The following FBXL7 variants were observed in gnomAD, a reference collection of about 807,000 sequenced individuals.
FBXL7 encodes the protein F-box and leucine rich repeat protein 7, also known as F-box/LRR-repeat protein 7.
FBXL7 carries 12 observed loss-of-function variants against 38.3 expected under a neutral mutation model. The observed-to-expected ratio is 0.31, with a 90% CI of 0.20 to 0.51. FBXL7 has a LOEUF of 0.51. Ranked by LOEUF, FBXL7 falls within the 20% of genes least tolerant of loss-of-function variation. FBXL7 has a pLI of 0.98. For missense variants in FBXL7, 567 were observed against 676.4 expected (o/e 0.84, Z 1.79); for synonymous variants, 297 against 300.9 (o/e 0.99, Z 0.13).
chr5:15,770,278 C>T (rs1360437086), intron 2 of FBXL7, among the ~76,000 whole-genome samples: 2 of 152,164 alleles, frequency 1.3e-5, no homozygotes, highest in South Asian at 4.1e-4. Context: ...ATGGATCATC[C>T]TGGTCTCTGA....
At chr5:15,842,296 A>T (rs560568406) in intron 2 of FBXL7, among the ~76,000 whole-genome samples, 6 of 152,174 alleles carry the variant, frequency 3.9e-5, no homozygotes, top group Non-Finnish European at 7.3e-5. Flanking sequence ...GCCCTATTGG[A>T]CATCAGACTT....
intron 1 of FBXL7, among the ~76,000 whole-genome samples, chr5:15,507,628 A>G (rs1425803392): frequency 3.9e-5 from 6 of 152,240 alleles, no homozygotes; most frequent in Non-Finnish European, 8.8e-5. Context: ...AATATGTGAC[A>G]GCATCTGGAA....
chr5:15,821,920 C>T (rs1738180345), intron 2 of FBXL7, among the ~76,000 whole-genome samples: 1 of 152,122 alleles, frequency 6.6e-6, no homozygotes, highest in South Asian at 2.1e-4. Flanking sequence ...AACTGCCAAG[C>T]TCCCAGTTAA....
In FBXL7 at chr5:15,720,811, ATATTAT is replaced by A. The variant is rs147406915; in HGVS notation, c.127+104746_127+104751del. 4.4e-5 allele frequency among the ~76,000 whole-genome samples: 6 copies of A among 136,898 alleles called. 1 individual carries two copies. Among genetic ancestry groups the A allele is most frequent in the Non-Finnish European group, 8.2e-5 (5 of 60,966 alleles). 89.8% of individuals were successfully genotyped at this position (136,898 alleles called of 152,430 possible). On this transcript the variant is annotated intron_variant, in intron 2 of 3. Transcript: ENST00000504595. ...TAAATATTATCATTATTAGAGTATAATATTATTATTATATTGTATAAGAACATAGCA... is the reference window on the plus strand; with the variant it reads ...TAAATATTATCATTATTAGAGTATAATATTATATTGTATAAGAACATAGCA...
At chr5:15,632,109 A>G (rs985141095) in intron 2 of FBXL7, among the ~76,000 whole-genome samples, 7 of 152,128 alleles carry the variant, frequency 4.6e-5, no homozygotes, top group African/African-American at 1.7e-4. Flanking sequence ...AGCTAAATAC[A>G]GGTTTCTTTT....
chr5:15,622,174 G>A (rs1033792086), intron 2 of FBXL7, among the ~76,000 whole-genome samples: 1 of 152,040 alleles, frequency 6.6e-6, no homozygotes, highest in Non-Finnish European at 1.5e-5. Context: ...TTCACATGGT[G>A]TATTTGCTCA....
intron 2 of FBXL7, among the ~76,000 whole-genome samples, chr5:15,821,112 A>G (rs1738158231): frequency 6.6e-6 from 1 of 152,238 alleles, no homozygotes; most frequent in Non-Finnish European, 1.5e-5. Context: ...GTAGGTCCCC[A>G]GTAAATGGTT....
intron 2 of FBXL7, among the ~76,000 whole-genome samples, chr5:15,917,686 G>GAAGGAAGGAAGGAAGA (rs1741627762): frequency 1.3e-5 from 2 of 148,418 alleles, no homozygotes; most frequent in Non-Finnish European, 3.0e-5. Context: ...AGGAAGGAAG[G>GAAGGAAGGAAGGAAGA]AAGGAAGGAA....
intron 2 of FBXL7, among the ~76,000 whole-genome samples, chr5:15,751,713 G>A (rs141886142): frequency 5.1e-4 from 77 of 152,284 alleles, no homozygotes; most frequent in East Asian, 4.6e-3. Context: ...AAAGGGAGGG[G>A]TGCAAGGGGC....
intron 1 of FBXL7, chr5:15,501,866 ATGTGTG>A (rs70938014): frequency 0.027 from 6,042 of 224,876 alleles, 127 homozygotes; most frequent in Admixed American, 0.038. Context: ...GTGCATGTGT[ATGTGTG>A]TGTGTGTGTG....
intron 3 of FBXL7, among the ~76,000 whole-genome samples, chr5:15,930,008 T>G (rs1396578031): frequency 6.6e-6 from 1 of 152,174 alleles, no homozygotes; most frequent in East Asian, 1.9e-4. Context: ...TGCTCTCTCT[T>G]TCGAAAGCCG....
intron 2 of FBXL7, among the ~76,000 whole-genome samples, chr5:15,818,055 C>T (rs1484464706): frequency 1.3e-5 from 2 of 150,390 alleles, no homozygotes; most frequent in African/African-American, 2.5e-5. Context: ...AATTTTGACC[C>T]ATATGTAAAA....
chr5:15,758,243 GTACTT>G (rs1337686969), intron 2 of FBXL7, among the ~76,000 whole-genome samples: 1 of 151,256 alleles, frequency 6.6e-6, no homozygotes, highest in Non-Finnish European at 1.5e-5. Flanking sequence ...GAGAGAAAAA[GTACTT>G]TAAGGAGATA....
At chr5:15,794,044 C>T (rs1019205423) in intron 2 of FBXL7, among the ~76,000 whole-genome samples, 9 of 152,364 alleles carry the variant, frequency 5.9e-5, no homozygotes, top group African/African-American at 2.2e-4. Flanking sequence ...AACCTGTTCT[C>T]ATCCAGATAA....
At chr5:15,812,469 G>T (rs777952538) in intron 2 of FBXL7, among the ~76,000 whole-genome samples, 4 of 151,920 alleles carry the variant, frequency 2.6e-5, no homozygotes, top group East Asian at 3.9e-4. Context: ...ACGAACCTGC[G>T]CATTCTGCAC....
intron 2 of FBXL7, among the ~76,000 whole-genome samples, chr5:15,926,308 G>A (rs980886607): frequency 1.4e-5 from 2 of 147,882 alleles, no homozygotes; most frequent in Admixed American, 6.8e-5. Context: ...TATATCCAAT[G>A]TATATTGTAT....
chr5:15,847,453 C>T lies in FBXL7; in HGVS notation c.128-80437C>T, dbSNP rs546465667. Among the ~76,000 whole-genome samples, 5 of 152,230 alleles carry T rather than the reference C, an allele frequency of 3.3e-5. No individual in the cohort carries two copies. The East Asian group carries it at 7.7e-4, about 24-fold the overall frequency. ...CTTTCACTGGGTCCCTCCCATGACA[C>T]GTGGGGATTATGGGAACTACAATTC... is the stretch of plus-strand genomic sequence containing the variant. On this transcript the variant is annotated intron_variant, in intron 2 of 3. Coordinates refer to ENST00000504595, the MANE Select transcript of FBXL7 (RefSeq NM_012304.5).
chr5:15,531,344 CT>C (rs1737425185), intron 1 of FBXL7, among the ~76,000 whole-genome samples: 1 of 152,048 alleles, frequency 6.6e-6, no homozygotes, highest in Non-Finnish European at 1.5e-5. Flanking sequence ...ATTCATCATG[CT>C]TTTTATAATT....
chr5:15,846,019 G>C (rs1303138801), intron 2 of FBXL7, among the ~76,000 whole-genome samples: 1 of 152,170 alleles, frequency 6.6e-6, no homozygotes, highest in Non-Finnish European at 1.5e-5. Context: ...AAAAGTCAAA[G>C]CCATCTGCCT....
Sources: gnomAD v4.1 joint callset for allele counts (sites outside exome capture counted in the v4.1 genomes callset) on GRCh38, gnomAD v4.1.1 for gene constraint, MANE v1.5 for transcripts, NCBI Gene and HGNC (gene_info 2026-07-23, HGNC 2026-07-21) for gene names.